The following LMBR1 variants were observed in gnomAD, a reference collection of about 807,000 sequenced individuals.
LMBR1 encodes the protein limb development membrane protein 1.
LMBR1 carries 52 observed loss-of-function variants against 73.9 expected under a neutral mutation model. The ratio of observed to expected loss-of-function variants is 0.70; its 90% CI spans 0.56 to 0.89. LMBR1 has a LOEUF of 0.89. LMBR1 is among the 40% of genes least tolerant of loss of function. The pLI, the probability that LMBR1 is intolerant of heterozygous loss-of-function variation, is 0.00. For missense variants in LMBR1, 539 were observed against 579.8 expected, an observed-to-expected ratio of 0.93 and a Z score of 0.72; for synonymous variants, 215 against 209.4, an observed-to-expected ratio of 1.03 and a Z score of -0.23.
At chr7:156,785,930 A>G (rs1016345365) in intron 5 of LMBR1, among the ~76,000 whole-genome samples, 4 of 152,202 alleles carry the variant, frequency 2.6e-5, no homozygotes, top group Admixed American at 1.3e-4. Context: ...AACACTAACA[A>G]TAGTACCTAG....
At chr7:156,773,664 T>C (rs949065537) in intron 5 of LMBR1, among the ~76,000 whole-genome samples, 1 of 152,126 alleles carries the variant, frequency 6.6e-6, no homozygotes, top group South Asian at 2.1e-4. Flanking sequence ...AGACTGAAAC[T>C]GGATCCCTTC....
At chr7:156,877,945 CA>C (rs1800459222) in intron 1 of LMBR1, among the ~76,000 whole-genome samples, 1 of 149,648 alleles carries the variant, frequency 6.7e-6, no homozygotes. Flanking sequence ...GAATTAAAAA[CA>C]AAAATCACAT....
intron 4 of LMBR1, among the ~76,000 whole-genome samples, chr7:156,802,178 T>C (rs1223176720): frequency 6.6e-6 from 1 of 152,214 alleles, no homozygotes; most frequent in Non-Finnish European, 1.5e-5. Context: ...AGACGGAGTT[T>C]CACCATGTTG....
chr7:156,673,129 T>C (rs1257601169), downstream of LMBR1, among the ~76,000 whole-genome samples: 1 of 152,208 alleles, frequency 6.6e-6, no homozygotes, highest in Admixed American at 6.5e-5. Context: ...TCATTCCAAA[T>C]AGTACTTTTA....
chr7:156,676,266 TA>T (rs1349796120), downstream of LMBR1: 1 of 1,549,040 alleles, frequency 6.5e-7, no homozygotes, highest in African/African-American at 1.4e-5. Context: ...TGTATATATA[TA>T]AATAAAATGC....
chr7:156,786,197 G>C (rs548171345), intron 5 of LMBR1, among the ~76,000 whole-genome samples: 134 of 146,484 alleles, frequency 9.1e-4, no homozygotes, highest in African/African-American at 3.2e-3. Flanking sequence ...GAAGGAGGTA[G>C]GGAAGGGAAG....
At chr7:156,890,803 T>C (rs1341321714) in intron 1 of LMBR1, among the ~76,000 whole-genome samples, 1 of 152,142 alleles carries the variant, frequency 6.6e-6, no homozygotes, top group Non-Finnish European at 1.5e-5. Flanking sequence ...CTACTAAAGA[T>C]GAACAAATGC....
At chr7:156,782,952 A>G (rs1404354416) in intron 5 of LMBR1, among the ~76,000 whole-genome samples, 1 of 152,132 alleles carries the variant, frequency 6.6e-6, no homozygotes, top group Non-Finnish European at 1.5e-5. Context: ...TTGGATGTCT[A>G]TTCAGTTTCT....
chr7:156,824,464 C>G (rs1190848669), intron 4 of LMBR1, among the ~76,000 whole-genome samples: 1 of 152,134 alleles, frequency 6.6e-6, no homozygotes, highest in Non-Finnish European at 1.5e-5. Context: ...TGGATTACAG[C>G]ACCATGAACA....
At chr7:156,860,610 G>T (rs1463418821) in intron 1 of LMBR1, among the ~76,000 whole-genome samples, 3 of 152,092 alleles carry the variant, frequency 2.0e-5, no homozygotes, top group Non-Finnish European at 4.4e-5. Flanking sequence ...AAAAGTCCAT[G>T]GTCCAAAGTC....
At chr7:156,854,249 C>T (rs1222475388) in intron 1 of LMBR1, among the ~76,000 whole-genome samples, 2 of 152,192 alleles carry the variant, frequency 1.3e-5, no homozygotes, top group Non-Finnish European at 2.9e-5. Flanking sequence ...CAGAAGCCTG[C>T]TGCTAGAGCC....
intron 5 of LMBR1, among the ~76,000 whole-genome samples, chr7:156,786,673 T>C (rs1166926347): frequency 6.6e-6 from 1 of 152,156 alleles, no homozygotes; most frequent in Non-Finnish European, 1.5e-5. Context: ...GTAGAAAAGC[T>C]AGCAGAAAAC....
chr7:156,772,135 A>T (rs1217787442), intron 5 of LMBR1, among the ~76,000 whole-genome samples: 5 of 152,022 alleles, frequency 3.3e-5, no homozygotes, highest in African/African-American at 1.2e-4. Flanking sequence ...TTAGCCAGGC[A>T]TGGTAGCGCA....
chr7:156,892,902 T>A (rs1176487130), intron 1 of LMBR1, 26 bp downstream of exon 1: 1 of 1,463,742 alleles, frequency 6.8e-7, no homozygotes, highest in Admixed American at 2.4e-5. Context: ...CGCGGGACTG[T>A]CAGGGCTGCC....
chr7:156,833,827 T>C (rs779794952), intron 2 of LMBR1, 35 bp from the exon 3 acceptor site: 1 of 1,343,604 alleles, frequency 7.4e-7, no homozygotes, highest in Non-Finnish European at 1.0e-6. Flanking sequence ...TATTCCTTTA[T>C]CTTCTAACAA....
chr7:156,711,578 C>A (rs2132192757), intron 15 of LMBR1, among the ~76,000 whole-genome samples: 1 of 152,172 alleles, frequency 6.6e-6, no homozygotes, highest in East Asian at 1.9e-4. Flanking sequence ...AAACTGGAGG[C>A]ATCAACTTAC....
chr7:156,699,345 T>A (rs927091906), intron 15 of LMBR1, among the ~76,000 whole-genome samples: 1 of 152,042 alleles, frequency 6.6e-6, no homozygotes, highest in African/African-American at 2.4e-5. Context: ...GAAAACTGGC[T>A]AGCCATATGT....
intron 9 of LMBR1, among the ~76,000 whole-genome samples, chr7:156,750,588 C>T (rs996213406): frequency 9.2e-5 from 14 of 152,242 alleles, no homozygotes; most frequent in African/African-American, 3.1e-4. Flanking sequence ...TGATTCTGTC[C>T]GGTCTTGTCA....
chr7:156,816,176 G>T (rs951838155), intron 4 of LMBR1, among the ~76,000 whole-genome samples: 1 of 151,852 alleles, frequency 6.6e-6, no homozygotes, highest in Non-Finnish European at 1.5e-5. Flanking sequence ...AAAGCTAAAT[G>T]AAAAAAATAT....
Sources: allele counts gnomAD v4.1 joint callset (sites outside exome capture counted in the v4.1 genomes callset), GRCh38; gene constraint gnomAD v4.1.1; transcripts MANE v1.5; gene names NCBI Gene and HGNC (gene_info 2026-07-23, HGNC 2026-07-21).